The following FBXO42 variants were observed in gnomAD, a reference collection of about 807,000 sequenced individuals.
The protein encoded by FBXO42 is F-box protein 42, also known as F-box only protein 42.
FBXO42 carries 12 observed loss-of-function variants against 71.7 expected under a neutral mutation model. The observed-to-expected ratio is 0.17, with a 90% CI of 0.11 to 0.27. The LOEUF (loss-of-function observed/expected upper bound fraction) is 0.27, where lower values mean the gene tolerates loss of function less well. Among genes scored for constraint, FBXO42 ranks in the 10% least tolerant of loss-of-function variants. The pLI, the probability that FBXO42 is intolerant of heterozygous loss-of-function variation, is 1.00. For synonymous variants in FBXO42, 325 were observed against 327.5 expected (o/e 0.99, Z 0.08); for missense variants, 707 against 911.9 (o/e 0.78, Z 2.89).
chr1:16,345,198 C>A (rs552720249), intron 1 of FBXO42, among the ~76,000 whole-genome samples: 24 of 149,430 alleles, frequency 1.6e-4, no homozygotes, highest in East Asian at 1.0e-3. Flanking sequence ...CCAAGGCAGG[C>A]GGATCACGAG....
intron 1 of FBXO42, among the ~76,000 whole-genome samples, chr1:16,328,351 T>C (rs2082468089): frequency 6.6e-6 from 1 of 152,212 alleles, no homozygotes; most frequent in South Asian, 2.1e-4. Context: ...ATATAAGCAC[T>C]AGTCTCTACT....
intron 4 of FBXO42, among the ~76,000 whole-genome samples, chr1:16,274,793 C>T (rs1484069521): frequency 6.6e-6 from 1 of 151,478 alleles, no homozygotes; most frequent in African/African-American, 2.4e-5. Context: ...GGTTTCATCA[C>T]GTTGGCCAGG....
intron 1 of FBXO42, among the ~76,000 whole-genome samples, chr1:16,329,162 C>CAAAAAAAA (rs1221377687): frequency 3.3e-5 from 2 of 60,436 alleles, no homozygotes; most frequent in Non-Finnish European, 6.6e-5. Context: ...GACTCTGTCT[C>CAAAAAAAA]AAAAAAAAAA....
chr1:16,329,162 C>CCA (rs2082474886), intron 1 of FBXO42, among the ~76,000 whole-genome samples: 3 of 60,442 alleles, frequency 5.0e-5, no homozygotes, highest in Admixed American at 1.8e-4. Flanking sequence ...GACTCTGTCT[C>CCA]AAAAAAAAAA....
At chr1:16,334,006 G>A (rs2082526400) in intron 1 of FBXO42, among the ~76,000 whole-genome samples, 1 of 152,138 alleles carries the variant, frequency 6.6e-6, no homozygotes, top group Admixed American at 6.6e-5. Context: ...ACTTCAAAAG[G>A]CTATATTCTG....
intron 1 of FBXO42, among the ~76,000 whole-genome samples, chr1:16,332,358 G>A (rs1180783484): frequency 1.3e-5 from 2 of 152,020 alleles, no homozygotes; most frequent in Non-Finnish European, 1.5e-5. Context: ...TTGAATGAAG[G>A]AAGATTAAAT....
intron 4 of FBXO42, among the ~76,000 whole-genome samples, chr1:16,263,497 G>A (rs2081736672): frequency 3.3e-5 from 5 of 151,738 alleles, no homozygotes; most frequent in Admixed American, 3.3e-4. Flanking sequence ...CAGGCGTGGT[G>A]GATCACCTGA....
intron 4 of FBXO42, among the ~76,000 whole-genome samples, chr1:16,286,060 T>TA (rs929933527): frequency 4.6e-5 from 7 of 151,916 alleles, no homozygotes; most frequent in African/African-American, 1.7e-4. Context: ...ATTTTTTTTT[T>TA]AATTTTTTGA....
intron 1 of FBXO42, among the ~76,000 whole-genome samples, chr1:16,316,169 C>CAAAAAAAAAAAAAA (rs58485035): frequency 1.8e-5 from 2 of 109,070 alleles, no homozygotes; most frequent in Admixed American, 1.0e-4. Flanking sequence ...ACCTCCATCT[C>CAAAAAAAAAAAAAA]AAAAAAAAAA....
intron 2 of FBXO42, among the ~76,000 whole-genome samples, chr1:16,306,298 T>G (rs1171843646): frequency 1.3e-5 from 2 of 152,190 alleles, no homozygotes; most frequent in African/African-American, 4.8e-5. Context: ...ATTACAGGCA[T>G]GAGCCACCGC....
intron 1 of FBXO42, among the ~76,000 whole-genome samples, chr1:16,324,279 AAG>A (rs969612005): frequency 2.6e-5 from 4 of 152,180 alleles, no homozygotes; most frequent in African/African-American, 9.7e-5. Flanking sequence ...AAAACACAAA[AAG>A]AAAAAATATA....
intron 3 of FBXO42, among the ~76,000 whole-genome samples, chr1:16,303,137 T>G (rs1356475642): frequency 2.0e-5 from 3 of 152,210 alleles, no homozygotes; most frequent in Admixed American, 6.5e-5. Flanking sequence ...TTCATGTGGC[T>G]GAAGTCTGGC....
chr1:16,335,969 T>C (rs912064689), intron 1 of FBXO42, among the ~76,000 whole-genome samples: 2 of 152,084 alleles, frequency 1.3e-5, no homozygotes, highest in Non-Finnish European at 2.9e-5. Context: ...TTCGCTCTTG[T>C]TGCCCAGGCT....
chr1:16,313,117 C>T (rs550571089), intron 2 of FBXO42, among the ~76,000 whole-genome samples: 1 of 151,832 alleles, frequency 6.6e-6, no homozygotes, highest in African/African-American at 2.4e-5. Flanking sequence ...TTCTCCTACT[C>T]AATTTTGCTG....
intron 7 of FBXO42, 109 bp downstream of exon 7, chr1:16,253,526 T>C (rs1344811137): frequency 1.2e-6 from 1 of 838,446 alleles, no homozygotes; most frequent in Non-Finnish European, 1.9e-6. Context: ...TGATACATTT[T>C]CTTTGGCTTA....
At chr1:16,284,558 G>A (rs546819194) in intron 4 of FBXO42, among the ~76,000 whole-genome samples, 2 of 152,276 alleles carry the variant, frequency 1.3e-5, no homozygotes, top group Admixed American at 6.5e-5. Flanking sequence ...CGAGCTGGGC[G>A]TGGCAGCTCA....
At chr1:16,350,202 T>A (rs989086976) in intron 1 of FBXO42, among the ~76,000 whole-genome samples, 1 of 152,142 alleles carries the variant, frequency 6.6e-6, no homozygotes, top group African/African-American at 2.4e-5. Context: ...AATGATGTCA[T>A]GGATGTCATG....
intron 1 of FBXO42, among the ~76,000 whole-genome samples, chr1:16,329,177 A>G (rs549926309): frequency 7.9e-5 from 12 of 151,522 alleles, no homozygotes; most frequent in South Asian, 2.1e-4. Context: ...AAAAAAAAAA[A>G]AAAAAGAAAA....
chr1:16,338,421 A>C (rs1293750697), intron 1 of FBXO42, among the ~76,000 whole-genome samples: 2 of 150,742 alleles, frequency 1.3e-5, no homozygotes, highest in Non-Finnish European at 2.9e-5. Flanking sequence ...ACAGACTTTC[A>C]CTTTCCTCTA....
Sources: gnomAD v4.1 joint callset for allele counts (sites outside exome capture counted in the v4.1 genomes callset) on GRCh38, gnomAD v4.1.1 for gene constraint, MANE v1.5 for transcripts, NCBI Gene and HGNC (gene_info 2026-07-23, HGNC 2026-07-21) for gene names.